Variants in KIAA1549 observed in about 807,000 individuals in gnomAD.
The protein encoded by KIAA1549 is KIAA1549, also known as UPF0606 protein KIAA1549.
KIAA1549 carries 70 observed loss-of-function variants against 156.4 expected under a neutral mutation model. That is an observed-to-expected ratio of 0.45 (90% CI 0.37 to 0.55). The LOEUF (loss-of-function observed/expected upper bound fraction) is 0.55, where lower values mean the gene tolerates loss of function less well. Ranked by LOEUF, KIAA1549 falls within the 20% of genes least tolerant of loss-of-function variation. KIAA1549 has a pLI of 0.00. For synonymous variants in KIAA1549, 1,103 were observed against 1,066.4 expected (o/e 1.03, Z -0.67); for missense variants, 2,428 against 2,540.9 (o/e 0.96, Z 0.96).
intron 13 of KIAA1549, among the ~76,000 whole-genome samples, chr7:138,870,905 C>A (rs899502292): frequency 6.6e-6 from 1 of 152,156 alleles, no homozygotes; most frequent in Non-Finnish European, 1.5e-5. Flanking sequence ...GCAAACTCCC[C>A]CTCCCGGGTT....
chr7:138,840,225 G>A lies in KIAA1549; in HGVS notation c.5506C>T (p.Gln1836Ter). 6.3e-7 allele frequency: 1 copy of A among 1,585,884 alleles called. No homozygotes were observed. The change falls in exon 19 of 20, where the codon CAG (glutamine) becomes TAG (stop). Residue 1836 changes from glutamine to a stop codon, truncating the protein, a stop_gained. Coordinates refer to ENST00000422774, the MANE Select transcript of KIAA1549 (RefSeq NM_001164665.2). LOFTEE classifies it high-confidence loss of function. Reference sequence around the variant, plus strand: ...CTGCTTGGCGGGATTTCCACTGGCTGAGCTCCAATTCTGCTGGCAATCCCC... The same window carrying A: ...CTGCTTGGCGGGATTTCCACTGGCTAAGCTCCAATTCTGCTGGCAATCCCC... ...QVGIASRIGA[Q>*]PVEIPPSRGS...
chr7:138,962,497 G>T lies in KIAA1549; in HGVS notation c.187+18586C>A, dbSNP rs140519440. Among the ~76,000 whole-genome samples, 21 of 152,272 alleles carry T rather than the reference G, an allele frequency of 1.4e-4. No individual in the cohort carries two copies. In the East Asian group the frequency reaches 4.1e-3, roughly 29 times the overall value. On this transcript the variant is annotated intron_variant, in intron 1 of 19. Coordinates refer to ENST00000422774, the MANE Select transcript of KIAA1549 (RefSeq NM_001164665.2). ...CTTTTGAGCTCCAGATCTTAAGAGG[G>T]CCGCTAGCTCCTGCTTCATTCCCCT...
rs561426828 is a variant in KIAA1549 at position 138,912,905 on chromosome 7, C to T, written c.2879-445G>A. ...TTTCTTTTCTTTTCTTTTTGAGACC[C>T]GCTCTGTCGCCCAGGCTGGAGTGCA... On this transcript the variant is annotated intron_variant, in intron 2 of 19. Transcript: ENST00000422774. Among the ~76,000 whole-genome samples the T allele has an allele frequency of 3.3e-5, 5 of 152,284 alleles. No homozygotes were observed. The East Asian group carries it at 5.8e-4, about 18-fold the overall frequency.
At chr7:138,970,530 A>G (rs966103223) in intron 1 of KIAA1549, among the ~76,000 whole-genome samples, 1 of 152,178 alleles carries the variant, frequency 6.6e-6, no homozygotes, top group African/African-American at 2.4e-5. Context: ...AGTACACCCA[A>G]CTTCAATGAG....
chr7:138,867,304 T>C (rs1810774590), intron 15 of KIAA1549, among the ~76,000 whole-genome samples: 3 of 152,092 alleles, frequency 2.0e-5, no homozygotes, highest in South Asian at 2.1e-4. Context: ...CCTGTAATCC[T>C]AGCACTGTGG....
chr7:138,940,200 T>G lies in KIAA1549; in HGVS notation c.188-20762A>C, dbSNP rs9718763. Among the ~76,000 whole-genome samples, 884 of 151,858 alleles carry G rather than the reference T, an allele frequency of 5.8e-3. 7 individuals are homozygous for G. Among genetic ancestry groups the G allele is most frequent in the African/African-American group, 0.02 (816 of 41,376 alleles). ...CCACAACAGGCCCCGGTGTGTGATG[T>G]TCCCCTTCCTGTGTCCATGTGTTCT... On this transcript the variant is annotated intron_variant, in intron 1 of 19. Coordinates refer to ENST00000422774, the MANE Select transcript of KIAA1549 (RefSeq NM_001164665.2).
At chr7:138,957,824 G>A (rs1027055079) in intron 1 of KIAA1549, among the ~76,000 whole-genome samples, 2 of 152,044 alleles carry the variant, frequency 1.3e-5, no homozygotes, top group South Asian at 2.1e-4. Flanking sequence ...GTATCCCAGG[G>A]TCACTTGCTG....
At chr7:138,877,366 C>T (rs1192782511) in intron 12 of KIAA1549, among the ~76,000 whole-genome samples, 1 of 152,018 alleles carries the variant, frequency 6.6e-6, no homozygotes, top group African/African-American at 2.4e-5. Flanking sequence ...TGGTGGTATA[C>T]GTCTGTAATC....
intron 1 of KIAA1549, among the ~76,000 whole-genome samples, 198 bp downstream of exon 1, chr7:138,980,885 T>A (rs1814524607): frequency 6.6e-6 from 1 of 152,222 alleles, no homozygotes. Flanking sequence ...AGCCGCTCGC[T>A]TGTTCGTTTT....
In KIAA1549 at chr7:138,894,353, G is replaced by A. The variant is rs1811624298; in HGVS notation, c.4021C>T (p.Gln1341Ter). 6.2e-7 allele frequency: 1 copy of A among 1,613,856 alleles called. No homozygotes were observed. ...FQPDTVANIQ[Q>*]RQKLQIPSVK... ...AGGCTGCCCGTTACCTTCTGACGCT[G>A]CTGAATGTTGGCCACAGTGTCAGGC... The change falls in exon 10 of 20, where the codon CAG becomes TAG. Residue 1341 changes from glutamine to a stop codon, truncating the protein, a stop_gained. Transcript: ENST00000422774. LOFTEE classifies it high-confidence loss of function.
chr7:138,840,834 C>A (rs1809895120), intron 18 of KIAA1549, among the ~76,000 whole-genome samples: 1 of 152,202 alleles, frequency 6.6e-6, no homozygotes, highest in Non-Finnish European at 1.5e-5. Flanking sequence ...AGTGGAACCA[C>A]AATCCCACCC....
At chr7:138,960,216 A>G (rs1023712356) in intron 1 of KIAA1549, among the ~76,000 whole-genome samples, 4 of 152,114 alleles carry the variant, frequency 2.6e-5, no homozygotes, top group African/African-American at 9.7e-5. Flanking sequence ...CAGGAGGATC[A>G]CTTGAGGCCA....
chr7:138,889,132 G>A (rs985744116), intron 10 of KIAA1549, among the ~76,000 whole-genome samples: 2 of 152,158 alleles, frequency 1.3e-5, no homozygotes, highest in Non-Finnish European at 2.9e-5. Context: ...TAATGACTGG[G>A]CAACTGTTTT....
At chr7:138,924,638 G>A (rs890640299) in intron 1 of KIAA1549, among the ~76,000 whole-genome samples, 23 of 152,116 alleles carry the variant, frequency 1.5e-4, no homozygotes, top group Non-Finnish European at 2.9e-4. Context: ...AGAAATGGAA[G>A]GCAAGCCAAG....
intron 2 of KIAA1549, 106 bp downstream of exon 2, chr7:138,916,642 A>C: frequency 6.6e-7 from 1 of 1,505,832 alleles, no homozygotes; most frequent in Non-Finnish European, 8.9e-7. Context: ...AACTGAGCCC[A>C]GCGCCTCTGC....
chr7:138,865,986 G>C (rs899424971), intron 15 of KIAA1549, among the ~76,000 whole-genome samples: 1 of 152,160 alleles, frequency 6.6e-6, no homozygotes, highest in African/African-American at 2.4e-5. Context: ...GTTTACAAAA[G>C]CTCCGGGTGA....
At chr7:138,920,466 GATGA>G (rs71169064) in intron 1 of KIAA1549, among the ~76,000 whole-genome samples, 4 of 151,684 alleles carry the variant, frequency 2.6e-5, no homozygotes, top group South Asian at 4.2e-4. Context: ...CACTTGGATT[GATGA>G]ATGAATGAAT....
In KIAA1549 at chr7:138,954,613, C is replaced by G. The variant is rs2130545427; in HGVS notation, c.187+26470G>C. 2.0e-5 allele frequency among the ~76,000 whole-genome samples: 3 copies of G among 152,230 alleles called. No homozygotes were observed. The South Asian group carries it at 6.2e-4, about 32-fold the overall frequency. Reference sequence around the variant, plus strand: ...TAATTCCTCTGCCTCCGTGGCACCCCCCTCCCCCCACAACAATGCCATAAG... The same window carrying G: ...TAATTCCTCTGCCTCCGTGGCACCCGCCTCCCCCCACAACAATGCCATAAG... On this transcript the variant is annotated intron_variant, in intron 1 of 19. Transcript: ENST00000422774.
At chr7:138,887,434 GAC>G (rs1291492075) in intron 10 of KIAA1549, among the ~76,000 whole-genome samples, 1 of 152,178 alleles carries the variant, frequency 6.6e-6, no homozygotes, top group African/African-American at 2.4e-5. Flanking sequence ...CCGGGGAGCA[GAC>G]ACACAGTTTT....
Sources: allele counts gnomAD v4.1 joint callset (sites outside exome capture counted in the v4.1 genomes callset), GRCh38; gene constraint gnomAD v4.1.1; transcripts MANE v1.5; gene names NCBI Gene and HGNC (gene_info 2026-07-23, HGNC 2026-07-21).